HMCN1: variants seen among roughly 807,000 people sequenced by gnomAD.
HMCN1 encodes the protein hemicentin-1.
In HMCN1, 321 loss-of-function variants were observed where a neutral mutation model predicts 625.9. The ratio of observed to expected loss-of-function variants is 0.51; its 90% CI spans 0.47 to 0.56. HMCN1 has a LOEUF of 0.56. Among genes scored for constraint, HMCN1 ranks in the 20% least tolerant of loss-of-function variants. The pLI, the probability that HMCN1 is intolerant of heterozygous loss-of-function variation, is 0.00. For synonymous variants in HMCN1, 2,425 were observed against 2,417.6 expected, an observed-to-expected ratio of 1.00 and a Z score of -0.09; for missense variants, 6,588 against 6,887.3, an observed-to-expected ratio of 0.96 and a Z score of 1.54.
intron 11 of HMCN1, among the ~76,000 whole-genome samples, chr1:185,938,852 TG>T (rs1667946673): frequency 6.6e-6 from 1 of 152,288 alleles, no homozygotes; most frequent in South Asian, 2.1e-4. Context: ...TCAGCCAGCC[TG>T]GTTCCTGTTG....
At chr1:185,945,842 T>A (rs1330386929) in intron 11 of HMCN1, among the ~76,000 whole-genome samples, 3 of 152,214 alleles carry the variant, frequency 2.0e-5, no homozygotes, top group African/African-American at 7.2e-5. Flanking sequence ...TGATTTTCTT[T>A]TCACTCTTGT....
At chr1:186,141,200 G>A (rs1054510044) in intron 89 of HMCN1, among the ~76,000 whole-genome samples, 11 of 151,866 alleles carry the variant, frequency 7.2e-5, no homozygotes, top group Admixed American at 3.9e-4. Context: ...GACGGAGTTC[G>A]TGGTAATGTT....
chr1:186,049,992 C>T (rs1656840738), intron 42 of HMCN1, among the ~76,000 whole-genome samples: 1 of 151,542 alleles, frequency 6.6e-6, no homozygotes, highest in African/African-American at 2.4e-5. Flanking sequence ...GTTCCTGCCT[C>T]TTTTCACCCA....
At position 185,968,480 on chromosome 1, in the gene HMCN1, T is replaced by TGA. The variant is rs1553266887; in HGVS notation, c.2213-1855_2213-1854insGA. 5.0e-4 allele frequency among the ~76,000 whole-genome samples: 74 copies of TGA among 149,324 alleles called. 1 individual carries two copies. Among genetic ancestry groups the TGA allele is most frequent in the African/African-American group, 1.8e-3 (72 of 40,980 alleles). ...TAATTTCTCAGTTTTATTTCTAAAA[T>TGA]TATATATATATATATAAATTACAAA... is the stretch of plus-strand genomic sequence containing the variant. On this transcript the variant is annotated intron_variant, in intron 14 of 106. Coordinates refer to ENST00000271588, the MANE Select transcript of HMCN1 (RefSeq NM_031935.3).
intron 1 of HMCN1, among the ~76,000 whole-genome samples, chr1:185,789,855 G>A (rs955175290): frequency 6.6e-6 from 1 of 152,162 alleles, no homozygotes; most frequent in Admixed American, 6.5e-5. Context: ...CCACTTACTG[G>A]TGCAGTCATT....
chr1:186,156,617 A>G (rs1287675704), intron 97 of HMCN1, among the ~76,000 whole-genome samples: 1 of 152,180 alleles, frequency 6.6e-6, no homozygotes, highest in Non-Finnish European at 1.5e-5. Context: ...TCAAATGTTC[A>G]TATCTTTTCA....
At chr1:185,775,380 C>T (rs2102156292) in intron 1 of HMCN1, among the ~76,000 whole-genome samples, 1 of 152,192 alleles carries the variant, frequency 6.6e-6, no homozygotes, top group African/African-American at 2.4e-5. Context: ...AGCCACTGCA[C>T]TCCTCTGGGC....
intron 69 of HMCN1, among the ~76,000 whole-genome samples, chr1:186,105,177 G>GA (rs1228803785): frequency 6.6e-6 from 1 of 152,142 alleles, no homozygotes; most frequent in Non-Finnish European, 1.5e-5. Flanking sequence ...GAAGTTTCTA[G>GA]ATGTCTAGGG....
At chr1:185,914,498 A>T (rs911845013) in intron 6 of HMCN1, among the ~76,000 whole-genome samples, 3 of 151,934 alleles carry the variant, frequency 2.0e-5, no homozygotes, top group African/African-American at 7.2e-5. Flanking sequence ...GGACCACCCA[A>T]TTGAGCCTCA....
intron 11 of HMCN1, among the ~76,000 whole-genome samples, chr1:185,948,820 A>T (rs1031360067): frequency 2.6e-5 from 4 of 151,422 alleles, no homozygotes; most frequent in Admixed American, 2.6e-4. Context: ...GTATGGAGAG[A>T]GAATGGGCGA....
intron 4 of HMCN1, among the ~76,000 whole-genome samples, chr1:185,899,480 T>C (rs1227683750): frequency 6.6e-6 from 1 of 152,188 alleles, no homozygotes; most frequent in Non-Finnish European, 1.5e-5. Context: ...TTTAACAATT[T>C]GAAATTTATG....
intron 1 of HMCN1, among the ~76,000 whole-genome samples, chr1:185,762,890 C>T (rs1216505939): frequency 6.6e-6 from 1 of 151,928 alleles, no homozygotes; most frequent in Non-Finnish European, 1.5e-5. Flanking sequence ...TTCTTTTGTC[C>T]AATGCTATTG....
intron 2 of HMCN1, among the ~76,000 whole-genome samples, chr1:185,851,867 T>A (rs1662183014): frequency 6.6e-6 from 1 of 151,798 alleles, no homozygotes; most frequent in Non-Finnish European, 1.5e-5. Context: ...TCTACAATAA[T>A]GAGATTACAA....
chr1:186,086,569 T>C (rs953554480), intron 58 of HMCN1, among the ~76,000 whole-genome samples, 162 bp downstream of exon 58: 1 of 152,180 alleles, frequency 6.6e-6, no homozygotes, highest in African/African-American at 2.4e-5. Context: ...GGTAAGATTT[T>C]GTAGACTTCT....
At position 185,734,906 on chromosome 1, in the gene HMCN1, G is replaced by T. The variant is rs753681391; in HGVS notation, c.127G>T (p.Ala43Ser). The T allele has an allele frequency of 4.5e-5, 73 of 1,614,042 alleles. No individual in the cohort carries two copies. The highest frequency in any genetic ancestry group is 6.0e-5 in the Non-Finnish European group (71 of 1,180,030). ...EEIPEGASTL[A>S]FVFDVTGSMY... ...AATTCCCGAGGGGGCCTCCACGTTGGCTTTTGTGTTTGATGTGACTGGTTC... is the reference window on the plus strand; with the variant it reads ...AATTCCCGAGGGGGCCTCCACGTTGTCTTTTGTGTTTGATGTGACTGGTTC... Residue 43 changes from alanine to serine, a missense_variant, in exon 1 of 107, where the codon GCT becomes TCT. Coordinates refer to ENST00000271588, the MANE Select transcript of HMCN1 (RefSeq NM_031935.3).
chr1:186,070,915 C>A (rs909494867), intron 52 of HMCN1, among the ~76,000 whole-genome samples, 158 bp downstream of exon 52: 1 of 151,574 alleles, frequency 6.6e-6, no homozygotes. Context: ...AAAAAAAAAA[C>A]CCAACCAACC....
intron 57 of HMCN1, 146 bp from the exon 58 acceptor site, chr1:186,086,100 A>G: frequency 2.8e-6 from 2 of 722,420 alleles, no homozygotes; most frequent in Non-Finnish European, 4.7e-6. Context: ...TGAAGGCATT[A>G]GGGAATTGTA....
At chr1:185,799,669 A>G (rs1484776322) in intron 1 of HMCN1, among the ~76,000 whole-genome samples, 1 of 152,124 alleles carries the variant, frequency 6.6e-6, no homozygotes, top group Non-Finnish European at 1.5e-5. Flanking sequence ...GTTTAGGGGC[A>G]TGCTGGTAGC....
At chr1:186,062,395 A>T in intron 47 of HMCN1, 119 bp from the exon 48 acceptor site, 1 of 703,888 alleles carries the variant, frequency 1.4e-6, no homozygotes, top group Non-Finnish European at 2.6e-6. Context: ...TCAAATAATG[A>T]ATGTGGATTG....
Sources: gnomAD v4.1 joint callset for allele counts (sites outside exome capture counted in the v4.1 genomes callset) on GRCh38, gnomAD v4.1.1 for gene constraint, MANE v1.5 for transcripts, NCBI Gene and HGNC (gene_info 2026-07-23, HGNC 2026-07-21) for gene names.